Variants in PALD1 observed in about 807,000 individuals in gnomAD.
The protein encoded by PALD1 is paladin.
In PALD1, 57 loss-of-function variants were observed where a neutral mutation model predicts 96.0. That is an observed-to-expected ratio of 0.59 (90% CI 0.48 to 0.74). The LOEUF (loss-of-function observed/expected upper bound fraction) is 0.74. Among genes scored for constraint, PALD1 ranks in the 30% least tolerant of loss-of-function variants. The pLI, the probability that PALD1 is intolerant of heterozygous loss-of-function variation, is 0.00. For synonymous variants in PALD1, 464 were observed against 473.6 expected (o/e 0.98, Z 0.26); for missense variants, 1,063 against 1,143.7 (o/e 0.93, Z 1.02).
At position 70,532,744 on chromosome 10, in the gene PALD1, G is replaced by T. The variant is rs1430758719; in HGVS notation, c.757G>T (p.Val253Leu). The T allele has an allele frequency of 6.2e-7, 1 of 1,614,066 alleles. No homozygotes were observed. The highest frequency in any genetic ancestry group is 1.3e-5 in the African/African-American group (1 of 74,928). Residue 253 changes from valine (V) to leucine (L), a missense_variant, in exon 6 of 20, where the codon GTG (valine) becomes TTG (leucine). Val to Leu is a conservative substitution (Grantham distance 32). Coordinates refer to ENST00000263563, the MANE Select transcript of PALD1 (RefSeq NM_014431.3). ...GGACGACTTGCATGTGACGGAGGAG[G>T]TGTACAAGCGGCCCCTCTTCCTGCA... ...GEDDLHVTEE[V>L]YKRPLFLQPT... is the part of the protein sequence containing the mutation.
chr10:70,566,955 C>A lies in PALD1; in HGVS notation c.*222C>A. The A allele has an allele frequency of 1.9e-6, 1 of 540,266 alleles. No homozygotes were observed. The highest frequency in any genetic ancestry group is 3.3e-6 in the Non-Finnish European group (1 of 306,534). The allele number at this position is 540,266 out of a possible 1,614,324, so 33.5% of individuals were successfully genotyped here. A position where few individuals can be genotyped will look rare whatever the true frequency, so the allele number is the denominator to read the frequency against. On this transcript the variant is annotated 3_prime_UTR_variant, in exon 20 of 20. Coordinates refer to ENST00000263563, the MANE Select transcript of PALD1 (RefSeq NM_014431.3). ...GCAAACCACCAAGGTGTGTGGCTGA[C>A]CTCCAGGGAGGAGCACTCACTGGAG...
At chr10:70,497,369 G>A (rs543393951) in intron 1 of PALD1, among the ~76,000 whole-genome samples, 97 of 152,290 alleles carry the variant, frequency 6.4e-4, no homozygotes, top group Admixed American at 2.0e-3. Flanking sequence ...TGGGGCCGGC[G>A]CATGCCTGGC....
intron 18 of PALD1, among the ~76,000 whole-genome samples, chr10:70,555,702 T>G (rs1847593029): frequency 6.6e-6 from 1 of 152,218 alleles, no homozygotes; most frequent in Admixed American, 6.5e-5. Flanking sequence ...TCTCAGCCTC[T>G]TGAAAACTCT....
chr10:70,539,382 T>A lies in PALD1; in HGVS notation c.1725+135T>A. On this transcript the variant is annotated intron_variant, in intron 14 of 19. Coordinates refer to ENST00000263563, the MANE Select transcript of PALD1 (RefSeq NM_014431.3). This position sits in a 1 kb window ranked among gnomAD's most constrained non-coding sequence, Gnocchi z 4.5. Reference sequence around the variant, plus strand: ...CCCCGGGAGGAGCAGTGTCAGGGAGTGGCCAACTCAGGATTCCCACTAAAG... The same window carrying A: ...CCCCGGGAGGAGCAGTGTCAGGGAGAGGCCAACTCAGGATTCCCACTAAAG... The A allele has an allele frequency of 9.2e-7, 1 of 1,085,208 alleles. No homozygotes were observed. The highest frequency in any genetic ancestry group is 1.3e-6 in the Non-Finnish European group (1 of 775,606). 67.2% of individuals were successfully genotyped at this position (1,085,208 alleles called of 1,614,324 possible). A position where few individuals can be genotyped will look rare whatever the true frequency, so the allele number is the denominator to read the frequency against.
At chr10:70,504,233 AAC>A (rs1268773874) in intron 1 of PALD1, among the ~76,000 whole-genome samples, 1 of 152,228 alleles carries the variant, frequency 6.6e-6, no homozygotes, top group African/African-American at 2.4e-5. Flanking sequence ...TATATTTAAA[AAC>A]ACATATTTCG....
rs115709208 is a variant in PALD1, at chr10:70,553,827, A to G, written c.2262+6381A>G. Among the ~76,000 whole-genome samples, 224 of 152,334 alleles carry G rather than the reference A, an allele frequency of 1.5e-3. 1 individual carries two copies. Among genetic ancestry groups the G allele is most frequent in the African/African-American group, 5.2e-3 (215 of 41,578 alleles). ...CTGCAGGGAAACAGAACTGGAAGCC[A>G]TGGTCCTTGCCTTTGAGGAAGTCGC... On this transcript the variant is annotated intron_variant, in intron 18 of 19. Transcript: ENST00000263563.
intron 18 of PALD1, among the ~76,000 whole-genome samples, chr10:70,549,520 G>A (rs1187983043): frequency 9.9e-5 from 15 of 152,266 alleles, no homozygotes; most frequent in Non-Finnish European, 2.2e-4. Flanking sequence ...TGAGCCGTGG[G>A]GAGACAGGAG....
At chr10:70,541,056 CA>C in intron 15 of PALD1, 45 bp from the exon 16 acceptor site, 1 of 1,538,060 alleles carries the variant, frequency 6.5e-7, no homozygotes, top group South Asian at 1.3e-5. Context: ...GGGGTTTGTG[CA>C]TCCAAGAGAC....
chr10:70,560,079 C>T (rs1847705326), intron 18 of PALD1, among the ~76,000 whole-genome samples: 1 of 152,156 alleles, frequency 6.6e-6, no homozygotes, highest in African/African-American at 2.4e-5. Flanking sequence ...CTTGATGAAG[C>T]AATTAGAATC....
At chr10:70,487,669 C>T (rs1712828439) in intron 1 of PALD1, among the ~76,000 whole-genome samples, 1 of 151,896 alleles carries the variant, frequency 6.6e-6, no homozygotes, top group Non-Finnish European at 1.5e-5. Flanking sequence ...TCACCATTCC[C>T]TTCTCCACCA....
chr10:70,493,238 G>A lies in PALD1; in HGVS notation c.-30+14179G>A, dbSNP rs929401033. ...GGGCTCAAGTGATCTTCCCGCCACAGCCTCTCAAAATGTTGGAATTACAGG... is the reference window on the plus strand; with the variant it reads ...GGGCTCAAGTGATCTTCCCGCCACAACCTCTCAAAATGTTGGAATTACAGG... On this transcript the variant is annotated intron_variant, in intron 1 of 19. Coordinates refer to ENST00000263563, the MANE Select transcript of PALD1 (RefSeq NM_014431.3). Among the ~76,000 whole-genome samples, 8 of 152,172 alleles carry A rather than the reference G, an allele frequency of 5.3e-5. No individual in the cohort carries two copies. In the East Asian group the frequency reaches 9.6e-4, roughly 18 times the overall value.
chr10:70,546,714 G>A (rs1202850787), intron 17 of PALD1, among the ~76,000 whole-genome samples: 2 of 152,186 alleles, frequency 1.3e-5, no homozygotes, highest in Non-Finnish European at 2.9e-5. Flanking sequence ...ACTTTGGGAG[G>A]CCAAGGGTGT....
chr10:70,482,537 G>A (rs372400612), intron 1 of PALD1, among the ~76,000 whole-genome samples: 1 of 152,184 alleles, frequency 6.6e-6, no homozygotes, highest in East Asian at 1.9e-4. Flanking sequence ...GGGACCCGGG[G>A]AAAGAGAAGG....
chr10:70,558,777 G>A (rs1291612636), intron 18 of PALD1, among the ~76,000 whole-genome samples: 2 of 152,100 alleles, frequency 1.3e-5, no homozygotes, highest in Non-Finnish European at 2.9e-5. Flanking sequence ...AAGAAAGGCA[G>A]ATTTTTAGAG....
At chr10:70,498,998 C>T (rs1846245082) in intron 1 of PALD1, among the ~76,000 whole-genome samples, 1 of 151,956 alleles carries the variant, frequency 6.6e-6, no homozygotes, top group East Asian at 1.9e-4. Flanking sequence ...GTGAGAGTGG[C>T]AATAAATAGC....
At chr10:70,534,872 C>T (rs766757801) in intron 10 of PALD1, 29 bp downstream of exon 10, 6 of 1,419,312 alleles carry the variant, frequency 4.2e-6, no homozygotes, top group East Asian at 2.3e-5. Context: ...TGTGAGCACT[C>T]TGCTTCTCTG....
At chr10:70,486,680 G>C (rs1027706082) in intron 1 of PALD1, among the ~76,000 whole-genome samples, 4 of 152,150 alleles carry the variant, frequency 2.6e-5, no homozygotes, top group African/African-American at 9.7e-5. Context: ...AGAATAGCTT[G>C]AACCCAGGAG....
chr10:70,555,996 A>G (rs1272161303), intron 18 of PALD1, among the ~76,000 whole-genome samples: 4 of 151,238 alleles, frequency 2.6e-5, no homozygotes, highest in Admixed American at 6.6e-5. Flanking sequence ...GTGAGACTCC[A>G]TCTCAAAACA....
intron 1 of PALD1, among the ~76,000 whole-genome samples, chr10:70,499,710 G>A (rs1215187985): frequency 6.6e-6 from 1 of 152,208 alleles, no homozygotes; most frequent in Non-Finnish European, 1.5e-5. Flanking sequence ...GCTGCCCGGG[G>A]GCCTGGAGAG....
Sources: allele counts gnomAD v4.1 joint callset (sites outside exome capture counted in the v4.1 genomes callset), GRCh38; gene constraint gnomAD v4.1.1; non-coding constraint Gnocchi (gnomAD v3.1); transcripts MANE v1.5; gene names NCBI Gene and HGNC (gene_info 2026-07-23, HGNC 2026-07-21).